The following SEC14L2 variants were observed in gnomAD, a reference collection of about 807,000 sequenced individuals.
SEC14L2 encodes the protein SEC14-like protein 2.
In SEC14L2, 50 loss-of-function variants were observed where a neutral mutation model predicts 56.9. That is an observed-to-expected ratio of 0.88 (90% confidence interval 0.70 to 1.11). The LOEUF is 1.11. SEC14L2 is among the 50% of genes most tolerant of loss of function. The probability of loss-of-function intolerance (pLI) is 0.00; values close to 1 mark genes in which losing one functional copy is unlikely to be tolerated. For missense variants in SEC14L2, 414 were observed against 500.7 expected, an observed-to-expected ratio of 0.83 and a Z score of 1.65; for synonymous variants, 179 against 188.5, an observed-to-expected ratio of 0.95 and a Z score of 0.41.
In SEC14L2 at chr22:30,415,863, A is replaced by C; in HGVS notation, c.769A>C (p.Lys257Gln). The change falls in exon 9 of 12, where the codon AAG (lysine) becomes CAG (glutamine). Residue 257 changes from lysine to glutamine, a missense_variant and splice_region_variant. Transcript: ENST00000615189. The part of the protein sequence containing the change: ...DPDGNPKCKS[K>Q]INYGGDIPRK... ...TGATGGAAACCCCAAGTGCAAATCC[A>C]AGGTATGAGCCGCCAGAGGCTAGAG... The C allele has an allele frequency of 6.2e-7, 1 of 1,614,206 alleles. No individual in the cohort carries two copies. The highest frequency in any genetic ancestry group is 8.5e-7 in the Non-Finnish European group (1 of 1,180,042).
At chr22:30,406,444 A>T (rs1448491169) in intron 3 of SEC14L2, 59 bp downstream of exon 3, 1 of 1,567,306 alleles carries the variant, frequency 6.4e-7, no homozygotes, top group Non-Finnish European at 8.8e-7. Flanking sequence ...CCTTGCGTGG[A>T]CTTCTTTTGC....
chr22:30,420,860 C>T (rs1205102575), intron 11 of SEC14L2: 1 of 152,160 alleles, frequency 6.6e-6, no homozygotes, highest in Non-Finnish European at 1.5e-5. Flanking sequence ...TGAAATGGAA[C>T]AACTTCTCAA....
In SEC14L2 at chr22:30,397,133, G is replaced by A. The variant is rs1933773133; in HGVS notation, c.17G>A (p.Gly6Asp). The A allele has an allele frequency of 6.5e-7, 1 of 1,548,092 alleles. No homozygotes were observed. Among genetic ancestry groups the A allele is most frequent in the Non-Finnish European group, 8.7e-7 (1 of 1,145,988 alleles). The change falls in exon 1 of 12, where the codon GGC becomes GAC. Residue 6 changes from glycine to aspartate, a missense_variant. Coordinates refer to ENST00000615189, the MANE Select transcript of SEC14L2 (RefSeq NM_012429.5). Reference protein sequence around the residue: MSGRVGDLSPRQKEAL... With the variant: MSGRVDDLSPRQKEAL... Reference sequence around the variant, plus strand: ...TGAGCCACGATGAGCGGCAGAGTCGGCGATCTGAGCCCCAGGCAGAAGGAG... The same window carrying A: ...TGAGCCACGATGAGCGGCAGAGTCGACGATCTGAGCCCCAGGCAGAAGGAG...
rs771498670 is a variant in SEC14L2, at chr22:30,407,571, C to G, written c.391C>G (p.Leu131Val). 3 of 1,614,128 alleles carry G rather than the reference C, an allele frequency of 1.9e-6. No individual in the cohort carries two copies. The highest frequency in any genetic ancestry group is 2.5e-6 in the Non-Finnish European group (3 of 1,180,018). ...GACCAAGATGCGGGAGTGTGAGCTG[C>G]TTCTGCAAGAGTGTGCCCACCAGAC... ...LRTKMRECELLLQECAHQTTK... is the reference protein window; with the variant it reads ...LRTKMRECELVLQECAHQTTK... Residue 131 changes from leucine (L) to valine (V), a missense_variant, in exon 5 of 12, where the codon CTT becomes GTT. Coordinates refer to ENST00000615189, the MANE Select transcript of SEC14L2 (RefSeq NM_012429.5).
chr22:30,408,698 T>C (rs139095169), intron 5 of SEC14L2, among the ~76,000 whole-genome samples: 8 of 152,338 alleles, frequency 5.3e-5, no homozygotes, highest in African/African-American at 1.7e-4. Flanking sequence ...AGTGAAATGA[T>C]GTCATAAAGT....
At chr22:30,405,614 C>T (rs1934071487) in intron 2 of SEC14L2, among the ~76,000 whole-genome samples, 1 of 152,168 alleles carries the variant, frequency 6.6e-6, no homozygotes, top group South Asian at 2.1e-4. Context: ...TCATCAACCC[C>T]TCTATCCCAC....
At position 30,397,122 on chromosome 22, in the gene SEC14L2, C is replaced by T; in HGVS notation, c.6C>T (p.Ser2=). 5 of 1,548,028 alleles carry T rather than the reference C, an allele frequency of 3.2e-6. No homozygotes were observed. Among genetic ancestry groups the T allele is most frequent in the Non-Finnish European group, 4.4e-6 (5 of 1,145,914 alleles). M[S]GRVGDLSPRQ... is the part of the protein sequence containing the mutation. Reference sequence around the variant, plus strand: ...ATCCCCGCGGTTGAGCCACGATGAGCGGCAGAGTCGGCGATCTGAGCCCCA... The same window carrying T: ...ATCCCCGCGGTTGAGCCACGATGAGTGGCAGAGTCGGCGATCTGAGCCCCA... The change falls in exon 1 of 12, where the codon AGC becomes AGT. Residue 2 remains serine, a synonymous_variant. Coordinates refer to ENST00000615189, the MANE Select transcript of SEC14L2 (RefSeq NM_012429.5).
At chr22:30,409,665 A>G (rs548170771) in intron 7 of SEC14L2, among the ~76,000 whole-genome samples, 179 bp downstream of exon 7, 30 of 152,106 alleles carry the variant, frequency 2.0e-4, no homozygotes, top group Non-Finnish European at 3.7e-4. Context: ...TGGGAGGCCG[A>G]GGCAGGAGGC....
chr22:30,416,665 T>C, intron 11 of SEC14L2: 1 of 1,426,210 alleles, frequency 7.0e-7, no homozygotes, highest in South Asian at 1.5e-5. Context: ...ATCACAGGGG[T>C]TCAACACGTC....
At chr22:30,413,249 T>C (rs1934300800) in intron 8 of SEC14L2, among the ~76,000 whole-genome samples, 4 of 152,098 alleles carry the variant, frequency 2.6e-5, no homozygotes, top group Admixed American at 2.0e-4. Context: ...ATTAATGAGG[T>C]TGGCAGAGAA....
At chr22:30,418,716 T>C (rs1379922656) in intron 11 of SEC14L2, among the ~76,000 whole-genome samples, 1 of 152,186 alleles carries the variant, frequency 6.6e-6, no homozygotes, top group Non-Finnish European at 1.5e-5. Flanking sequence ...GAAGTTGGAA[T>C]CAGCTGTTAC....
chr22:30,424,567 T>C lies in SEC14L2; in HGVS notation c.*2160T>C, dbSNP rs1023077189. On this transcript the variant is annotated 3_prime_UTR_variant, in exon 12 of 12. Transcript: ENST00000615189. ...AAACCCTGTGCTTACTATTACACTT[T>C]GGGTTGTTGCAAAGATTAAAGGAAA... 1.9e-5 allele frequency: 7 copies of C among 377,816 alleles called. No homozygotes were observed. The highest frequency in any genetic ancestry group is 7.9e-5 in the South Asian group (4 of 50,824). 23.4% of individuals were successfully genotyped at this position (377,816 alleles called of 1,614,324 possible).
At chr22:30,403,518 C>T (rs1030039093) in intron 2 of SEC14L2, among the ~76,000 whole-genome samples, 3 of 152,218 alleles carry the variant, frequency 2.0e-5, no homozygotes. Flanking sequence ...CTGACCAGGG[C>T]AGCAGGAGCC....
intron 8 of SEC14L2, among the ~76,000 whole-genome samples, chr22:30,411,562 A>G (rs562334702): frequency 2.4e-4 from 35 of 148,150 alleles, no homozygotes; most frequent in Middle Eastern, 6.8e-3. Flanking sequence ...CCTGGCCAAC[A>G]TGGTGAAACC....
chr22:30,417,922 C>A (rs575372564), intron 11 of SEC14L2, among the ~76,000 whole-genome samples: 1 of 152,170 alleles, frequency 6.6e-6, no homozygotes, highest in East Asian at 1.9e-4. Context: ...TACCATATAG[C>A]TCCTGGGGGA....
Position 30,422,559 on chromosome 22 carries a change from GC to G in SEC14L2, c.*153del. 4.4e-6 allele frequency: 4 copies of G among 912,294 alleles called. No individual in the cohort carries two copies. Among genetic ancestry groups the G allele is most frequent in the Non-Finnish European group, 6.5e-6 (4 of 617,924 alleles). The allele number at this position is 912,294 out of a possible 1,614,324, so 56.5% of individuals were successfully genotyped here. ...TTCATTTCAGTTAGGCAGAGGAAGA[GC>G]GACTGCAGTGGGTCTCCGTGTCTAT... On this transcript the variant is annotated 3_prime_UTR_variant, in exon 12 of 12. Transcript: ENST00000615189.
chr22:30,397,777 T>C (rs1933798751), intron 1 of SEC14L2: 1 of 462,472 alleles, frequency 2.2e-6, no homozygotes, highest in Non-Finnish European at 4.5e-6. Flanking sequence ...TGGGTTGGTG[T>C]TAGTTTGAGC....
intron 2 of SEC14L2, among the ~76,000 whole-genome samples, chr22:30,401,079 C>T (rs932449018): frequency 6.6e-6 from 1 of 150,708 alleles, no homozygotes; most frequent in Admixed American, 6.6e-5. Flanking sequence ...AAATTATGCC[C>T]TATTATTTTA....
intron 2 of SEC14L2, among the ~76,000 whole-genome samples, chr22:30,404,041 A>AAG (rs1345105682): frequency 1.3e-5 from 2 of 150,648 alleles, no homozygotes; most frequent in Non-Finnish European, 3.0e-5. Context: ...AAAAAAAAAA[A>AAG]AAGAAGATAA....
Sources: allele counts gnomAD v4.1 joint callset (sites outside exome capture counted in the v4.1 genomes callset), GRCh38; gene constraint gnomAD v4.1.1; transcripts MANE v1.5; gene names NCBI Gene and HGNC (gene_info 2026-07-23, HGNC 2026-07-21).